Variants in MRTFA observed in about 807,000 individuals in gnomAD.
MRTFA encodes myocardin-related transcription factor A.
MRTFA carries 20 observed loss-of-function variants against 83.5 expected under a neutral mutation model. The observed-to-expected ratio is 0.24, with a 90% CI of 0.17 to 0.35. The LOEUF (loss-of-function observed/expected upper bound fraction) is 0.35, where lower values mean the gene tolerates loss of function less well. Among genes scored for constraint, MRTFA ranks in the 10% least tolerant of loss-of-function variants. The pLI is 1.00. For synonymous variants in MRTFA, 659 were observed against 541.2 expected (o/e 1.22, Z -3.02); for missense variants, 1,200 against 1,224.7 (o/e 0.98, Z 0.30).
chr22:40,563,794 T>C (rs544381191), intron 2 of MRTFA, among the ~76,000 whole-genome samples: 10 of 152,270 alleles, frequency 6.6e-5, no homozygotes, highest in Admixed American at 2.0e-4. Context: ...AACAAAGTCA[T>C]AGATGTGAGA....
chr22:40,613,809 C>G (rs1314008221), intron 1 of MRTFA, among the ~76,000 whole-genome samples: 1 of 152,124 alleles, frequency 6.6e-6, no homozygotes, highest in Non-Finnish European at 1.5e-5. Context: ...ACTCTGGAGG[C>G]TGAAGTGGGA....
Position 40,421,053 on chromosome 22 carries a change from C to G in MRTFA, c.975G>C (p.Lys325Asn), listed in dbSNP as rs759024131. Residue 325 changes from lysine (K) to asparagine (N), a missense_variant, in exon 10 of 15, where the codon AAG becomes AAC. Physicochemically the swap from Lys to Asn is moderately conservative, Grantham distance 94. This residue lies in a region of MRTFA where 1,107 missense variants were observed against 1,041.8 expected (regional missense o/e 1.06). Coordinates refer to ENST00000355630, the MANE Select transcript of MRTFA (RefSeq NM_020831.6). ...TCACCTTTGGCTTCAGCTCCTTGGC[C>G]TTCTTGCTGCGCTGTGACTTCTCAC... 1 of 1,559,162 alleles carries G rather than the reference C, an allele frequency of 6.4e-7. No homozygotes were observed. The highest frequency in any genetic ancestry group is 8.7e-7 in the Non-Finnish European group (1 of 1,150,266).
chr22:40,621,639 G>T (rs777200898), intron 1 of MRTFA, among the ~76,000 whole-genome samples: 1 of 152,076 alleles, frequency 6.6e-6, no homozygotes, highest in South Asian at 2.1e-4. Context: ...TTTAAACACC[G>T]TGGGCAAAAA....
intron 1 of MRTFA, among the ~76,000 whole-genome samples, chr22:40,596,439 GGAGGCCAGGGTGGGAGGATCACTT>G (rs1289204501): frequency 2.0e-5 from 3 of 152,230 alleles, no homozygotes; most frequent in Non-Finnish European, 4.4e-5. Flanking sequence ...CAGCACTTCG[GGAGGCCAGGGTGGGAGGATCACTT>G]GAGGCCAGGA....
At chr22:40,613,667 G>C (rs1412295918) in intron 1 of MRTFA, among the ~76,000 whole-genome samples, 2 of 151,816 alleles carry the variant, frequency 1.3e-5, no homozygotes, top group East Asian at 1.9e-4. Context: ...ACCACCCTGG[G>C]AAATACAGAG....
chr22:40,546,017 G>A (rs116878828), intron 3 of MRTFA, among the ~76,000 whole-genome samples: 7,788 of 152,284 alleles, frequency 0.051, 254 homozygotes, highest in Non-Finnish European at 0.08. Flanking sequence ...GTGAGCCGCC[G>A]TACCCGGCCA....
intron 3 of MRTFA, among the ~76,000 whole-genome samples, chr22:40,536,547 G>A (rs1446322230): frequency 8.5e-6 from 1 of 117,590 alleles, no homozygotes; most frequent in Admixed American, 9.1e-5. Context: ...AGTGAGGAGT[G>A]TCTCTGCCTG....
intron 3 of MRTFA, among the ~76,000 whole-genome samples, chr22:40,482,460 T>C (rs1486438669): frequency 6.6e-6 from 1 of 152,184 alleles, no homozygotes; most frequent in African/African-American, 2.4e-5. Flanking sequence ...TTCAATGTCA[T>C]CAGTCTCTTT....
chr22:40,447,060 A>G (rs1406931992), intron 4 of MRTFA, among the ~76,000 whole-genome samples: 1 of 152,076 alleles, frequency 6.6e-6, no homozygotes, highest in African/African-American at 2.4e-5. Flanking sequence ...AGACTTTCTG[A>G]TAAGGTGACA....
chr22:40,465,712 C>T (rs528032219), intron 3 of MRTFA, among the ~76,000 whole-genome samples: 1 of 152,006 alleles, frequency 6.6e-6, no homozygotes, highest in Non-Finnish European at 1.5e-5. Context: ...AGGTGCATGA[C>T]ACCATGCCCG....
At position 40,419,059 on chromosome 22, in the gene MRTFA, C is replaced by T. The variant is rs140573764; in HGVS notation, c.1679G>A (p.Arg560His). Residue 560 changes from arginine (R) to histidine (H), a missense_variant, in exon 12 of 15, where the codon CGC (arginine) becomes CAC (histidine). Around this residue, in one of 2 missense-constraint regions of MRTFA, gnomAD observed 1,107 missense variants for 1,041.8 expected, o/e 1.06. Coordinates refer to ENST00000355630, the MANE Select transcript of MRTFA (RefSeq NM_020831.6). ...TTCATCGCCCGTGCTGAGCAGTGAGCGCTCCGAGGGGGTGGGAGACACGGG... is the reference window on the plus strand; with the variant it reads ...TTCATCGCCCGTGCTGAGCAGTGAGTGCTCCGAGGGGGTGGGAGACACGGG... 289 of 1,610,092 alleles carry T rather than the reference C, an allele frequency of 1.8e-4. 3 individuals carry two copies. Among genetic ancestry groups the T allele is most frequent in the South Asian group, 5.4e-4 (49 of 90,748 alleles).
intron 3 of MRTFA, among the ~76,000 whole-genome samples, chr22:40,547,058 G>T (rs941394128): frequency 6.6e-6 from 1 of 152,096 alleles, no homozygotes; most frequent in African/African-American, 2.4e-5. Context: ...GGGAGGCTGA[G>T]GCAGGAGAAT....
At chr22:40,580,824 G>A (rs1286306530) in intron 2 of MRTFA, among the ~76,000 whole-genome samples, 1 of 151,996 alleles carries the variant, frequency 6.6e-6, no homozygotes, top group African/African-American at 2.4e-5. Flanking sequence ...TGCTGTCCAG[G>A]CTACACTGGA....
Position 40,420,925 on chromosome 22 carries a change from A to AGCT in MRTFA, c.1100_1102dup (p.Gln367dup). ...GTTGAGGATCTGCAGCTGGAGGAAG[A>AGCT]GCTGCTGCTGCTGCAGGATCTTGGC... On this transcript the variant is annotated inframe_insertion, in exon 10 of 15. Transcript: ENST00000355630. 6.2e-7 allele frequency: 1 copy of AGCT among 1,614,080 alleles called. No homozygotes were observed. Among genetic ancestry groups the AGCT allele is most frequent in the Non-Finnish European group, 8.5e-7 (1 of 1,179,976 alleles).
intron 3 of MRTFA, among the ~76,000 whole-genome samples, chr22:40,501,017 G>A (rs1418281663): frequency 8.2e-5 from 10 of 121,696 alleles, no homozygotes; most frequent in Non-Finnish European, 1.2e-4. Context: ...CTGGCCGGGC[G>A]GGGGGCTGAC....
chr22:40,538,577 T>A (rs60761496), intron 3 of MRTFA, among the ~76,000 whole-genome samples: 1 of 150,358 alleles, frequency 6.7e-6, no homozygotes, highest in South Asian at 2.1e-4. Flanking sequence ...AAAAATAAAT[T>A]AAAAAAAAAA....
At chr22:40,487,895 G>A (rs2054199573) in intron 3 of MRTFA, among the ~76,000 whole-genome samples, 1 of 152,082 alleles carries the variant, frequency 6.6e-6, no homozygotes, top group Non-Finnish European at 1.5e-5. Flanking sequence ...AATCTCAGTA[G>A]ATTAACTCAC....
At chr22:40,470,229 T>TTTTATA (rs1213807268) in intron 3 of MRTFA, among the ~76,000 whole-genome samples, 3 of 58,774 alleles carry the variant, frequency 5.1e-5, no homozygotes, top group African/African-American at 2.5e-4. Flanking sequence ...ATCTCCAAAA[T>TTTTATA]TTTATATATA....
chr22:40,433,820 T>G (rs1361992838), intron 5 of MRTFA, among the ~76,000 whole-genome samples: 1 of 152,266 alleles, frequency 6.6e-6, no homozygotes, highest in Non-Finnish European at 1.5e-5. Flanking sequence ...AAGATAATTT[T>G]TAGTACATGT....
Sources: allele counts gnomAD v4.1 joint callset (sites outside exome capture counted in the v4.1 genomes callset), GRCh38; gene constraint gnomAD v4.1.1; regional missense constraint gnomAD v4.1.1; transcripts MANE v1.5; gene names NCBI Gene and HGNC (gene_info 2026-07-23, HGNC 2026-07-21).